Variants in DR1 observed in about 807,000 individuals in gnomAD.
DR1 encodes protein Dr1.
Under a neutral mutation model 19.9 loss-of-function variants are expected in DR1, and 7 were observed. That is an observed-to-expected ratio of 0.35 (90% CI 0.20 to 0.66). DR1 has a LOEUF of 0.66. Ranked by LOEUF, DR1 falls within the 30% of genes least tolerant of loss-of-function variation. The pLI, the probability that DR1 is intolerant of heterozygous loss-of-function variation, is 0.66. For synonymous variants in DR1, 76 were observed against 72.5 expected, an observed-to-expected ratio of 1.05 and a Z score of -0.24; for missense variants, 98 against 203.7, an observed-to-expected ratio of 0.48 and a Z score of 3.16.
chr1:93,346,350 G>T lies in DR1; in HGVS notation c.-296G>T, dbSNP rs1666837107. Reference sequence around the variant, plus strand: ...GCCCCTCTGAGGAGACACGAAGGTGGTTCCCCAGCCGCTCAAATTTCCGGA... The same window carrying T: ...GCCCCTCTGAGGAGACACGAAGGTGTTTCCCCAGCCGCTCAAATTTCCGGA... On this transcript the variant is annotated 5_prime_UTR_variant, in exon 1 of 3. Coordinates refer to ENST00000370272, the MANE Select transcript of DR1 (RefSeq NM_001938.3). 9 of 427,106 alleles carry T rather than the reference G, an allele frequency of 2.1e-5. No individual in the cohort carries two copies. Among genetic ancestry groups the T allele is most frequent in the South Asian group, 2.0e-4 (9 of 44,558 alleles). The allele number at this position is 427,106 out of a possible 1,614,324, so 26.5% of individuals were successfully genotyped here.
chr1:93,352,500 G>C (rs1666926077), intron 1 of DR1, among the ~76,000 whole-genome samples: 1 of 152,192 alleles, frequency 6.6e-6, no homozygotes, highest in Admixed American at 6.5e-5. Flanking sequence ...TTCTAAAGAA[G>C]GTTGATGAAA....
rs10586913 is a variant in DR1 at position 93,367,149 on chromosome 1, C to CA, written c.*6527dup. 0.26 allele frequency: 37,348 copies of CA among 141,290 alleles called. 6,292 individuals carry two copies. The highest frequency in any genetic ancestry group is 0.48 in the African/African-American group (17,208 of 36,134). 8.8% of individuals were successfully genotyped at this position (141,290 alleles called of 1,614,324 possible). A position where few individuals can be genotyped will look rare whatever the true frequency, so the allele number is the denominator to read the frequency against. On this transcript the variant is annotated 3_prime_UTR_variant, in exon 3 of 3. Coordinates refer to ENST00000370272, the MANE Select transcript of DR1 (RefSeq NM_001938.3). ...TGGGTGACAGAATGAGACCCTGTCTCAAAAAAAAAAAAAAAAAGTAAAAAT... is the reference window on the plus strand; with the variant it reads ...TGGGTGACAGAATGAGACCCTGTCTCAAAAAAAAAAAAAAAAAAGTAAAAAT...
chr1:93,353,892 AT>A lies in DR1; in HGVS notation c.221-12del. The A allele has an allele frequency of 6.3e-7, 1 of 1,577,980 alleles. No individual in the cohort carries two copies. The highest frequency in any genetic ancestry group is 8.6e-7 in the Non-Finnish European group (1 of 1,162,580). On this transcript the variant is annotated splice_polypyrimidine_tract_variant and intron_variant, in intron 1 of 2. Coordinates refer to ENST00000370272, the MANE Select transcript of DR1 (RefSeq NM_001938.3). Reference sequence around the variant, plus strand: ...TTTTATCACCCTTTCATATTTTAATATTTTCATTTCTCTAGCACTAGAAAGT... The same window carrying A: ...TTTTATCACCCTTTCATATTTTAATATTTCATTTCTCTAGCACTAGAAAGT...
rs537629202 is a variant in DR1, at chr1:93,348,303, A to C, written c.220+1438A>C. Among the ~76,000 whole-genome samples the C allele has an allele frequency of 5.6e-4, 85 of 151,942 alleles. 1 individual carries two copies. The highest frequency in any genetic ancestry group is 1.5e-3 in the African/African-American group (63 of 41,440). On this transcript the variant is annotated intron_variant, in intron 1 of 2. Transcript: ENST00000370272. ...TTTTCCCTTGTGTATTTATTTTTACATTGTATGTGTGATTGCTGTCATAAG... is the reference window on the plus strand; with the variant it reads ...TTTTCCCTTGTGTATTTATTTTTACCTTGTATGTGTGATTGCTGTCATAAG...
At chr1:93,349,504 T>G (rs1666892051) in intron 1 of DR1, among the ~76,000 whole-genome samples, 1 of 152,170 alleles carries the variant, frequency 6.6e-6, no homozygotes, top group Admixed American at 6.5e-5. Flanking sequence ...TAGGGAAATC[T>G]TTTAACTAAG....
chr1:93,357,981 A>G (rs1159601053), intron 2 of DR1, among the ~76,000 whole-genome samples: 1 of 152,222 alleles, frequency 6.6e-6, no homozygotes, highest in African/African-American at 2.4e-5. Flanking sequence ...CACTTATGAG[A>G]AAGAGATTCT....
intron 2 of DR1, among the ~76,000 whole-genome samples, chr1:93,356,392 C>T (rs748373229): frequency 7.9e-5 from 12 of 151,994 alleles, no homozygotes; most frequent in Non-Finnish European, 1.6e-4. Flanking sequence ...TAGATGTGCA[C>T]TAGTGAGCCC....
At position 93,367,311 on chromosome 1, in the gene DR1, GAAAT is replaced by G. The variant is rs1321579005; in HGVS notation, c.*6676_*6679del. ...CATGCAGTTCAAAAACAAAAAATAAGAAATAAAGTGGGCTTGCTGAGTGCTTTCA... is the reference window on the plus strand; with the variant it reads ...CATGCAGTTCAAAAACAAAAAATAAGAAAGTGGGCTTGCTGAGTGCTTTCA... On this transcript the variant is annotated 3_prime_UTR_variant, in exon 3 of 3. Coordinates refer to ENST00000370272, the MANE Select transcript of DR1 (RefSeq NM_001938.3). 3 of 152,140 alleles carry G rather than the reference GAAAT, an allele frequency of 2.0e-5. No individual in the cohort carries two copies. The highest frequency in any genetic ancestry group is 4.1e-4 in the South Asian group (2 of 4,832). The allele number at this position is 152,140 out of a possible 1,614,324, so 9.4% of individuals were successfully genotyped here.
chr1:93,353,359 G>A (rs1460063982), intron 1 of DR1, among the ~76,000 whole-genome samples: 1 of 152,112 alleles, frequency 6.6e-6, no homozygotes. Context: ...AGAGAAACCT[G>A]TTGGCTGACT....
chr1:93,355,120 C>T (rs1381384277), intron 2 of DR1: 1 of 151,904 alleles, frequency 6.6e-6, no homozygotes, highest in Admixed American at 6.6e-5. Flanking sequence ...TTGCAGACCA[C>T]CTAGAGAATG....
rs1002311781 is a variant in DR1 at position 93,368,030 on chromosome 1, A to T, written c.*7391A>T. On this transcript the variant is annotated 3_prime_UTR_variant, in exon 3 of 3. Transcript: ENST00000370272. ...GTCTCAAAAAAACAAACAAAAAAAG[A>T]AATTACATTAGTTGAGGACCTGCTG... is the stretch of plus-strand genomic sequence containing the variant. The T allele has an allele frequency of 2.0e-5, 3 of 152,192 alleles. No homozygotes were observed. Among genetic ancestry groups the T allele is most frequent in the Admixed American group, 2.0e-4 (3 of 15,274 alleles). The allele number at this position is 152,192 out of a possible 1,614,324, so 9.4% of individuals were successfully genotyped here.
In DR1 at chr1:93,346,258, G is replaced by A; in HGVS notation, c.-388G>A. ...CTGGGTACCCGCCCGGTACCGCGGC[G>A]AGGCCAGTGCCCCTGGATCTTGCCT... On this transcript the variant is annotated 5_prime_UTR_variant, in exon 1 of 3. Transcript: ENST00000370272. 1 of 258,734 alleles carries A rather than the reference G, an allele frequency of 3.9e-6. No homozygotes were observed. Among genetic ancestry groups the A allele is most frequent in the South Asian group, 3.9e-5 (1 of 25,512 alleles). 16.0% of individuals were successfully genotyped at this position (258,734 alleles called of 1,614,324 possible).
rs1289380022 is a variant in DR1, at chr1:93,350,282, AT to A, written c.220+3420del. 3.9e-5 allele frequency among the ~76,000 whole-genome samples: 6 copies of A among 152,224 alleles called. No homozygotes were observed. In the East Asian group the frequency reaches 1.2e-3, roughly 29 times the overall value. On this transcript the variant is annotated intron_variant, in intron 1 of 2. Coordinates refer to ENST00000370272, the MANE Select transcript of DR1 (RefSeq NM_001938.3). Reference sequence around the variant, plus strand: ...CATTAGTCTCTCATTGTTGTCCAAGATTTCCAGTAGTGATACCATGGAGGAC... The same window carrying A: ...CATTAGTCTCTCATTGTTGTCCAAGATTCCAGTAGTGATACCATGGAGGAC...
intron 2 of DR1, among the ~76,000 whole-genome samples, chr1:93,356,232 CT>C (rs5776179): frequency 0.83 from 122,119 of 147,624 alleles, 50,479 homozygotes; most frequent in East Asian, 1. Context: ...TATCAATCAA[CT>C]TTTTTTTTTT....
Position 93,347,002 on chromosome 1 carries a change from C to G in DR1, c.220+137C>G. 4 of 747,820 alleles carry G rather than the reference C, an allele frequency of 5.3e-6. No individual in the cohort carries two copies. In the South Asian group the frequency reaches 7.3e-5, roughly 14 times the overall value. 46.3% of individuals were successfully genotyped at this position (747,820 alleles called of 1,614,324 possible). ...TGAAAAAGCCAGACTGGCATGTAGG[C>G]AGCCGGTGCTTTAAAAACAATCCCT... On this transcript the variant is annotated intron_variant, in intron 1 of 2. Coordinates refer to ENST00000370272, the MANE Select transcript of DR1 (RefSeq NM_001938.3).
In DR1 at chr1:93,360,603, A is replaced by T. The variant is rs1365818158; in HGVS notation, c.495A>T (p.Gly165=). ...CAGCCAGTGCATCTAATCAGGCGGG[A>T]TCTTCTCAGGATGAAGAAGATGATG... The part of the protein sequence containing the change: ...AASASASNQA[G]SSQDEEDDDD... The change falls in exon 3 of 3, where the codon GGA becomes GGT. Residue 165 remains glycine, a synonymous_variant. Transcript: ENST00000370272. 1 of 1,592,720 alleles carries T rather than the reference A, an allele frequency of 6.3e-7. No individual in the cohort carries two copies. Among genetic ancestry groups the T allele is most frequent in the Non-Finnish European group, 8.5e-7 (1 of 1,172,570 alleles).
rs1002383699 is a variant in DR1 at position 93,367,838 on chromosome 1, C to T, written c.*7199C>T. On this transcript the variant is annotated 3_prime_UTR_variant, in exon 3 of 3. Coordinates refer to ENST00000370272, the MANE Select transcript of DR1 (RefSeq NM_001938.3). ...ACCATCCCGGCCAACATAGTGAAAC[C>T]TCATCTGTGCTAAAATACAAAAAAT... 1 of 152,186 alleles carries T rather than the reference C, an allele frequency of 6.6e-6. No homozygotes were observed. Among genetic ancestry groups the T allele is most frequent in the African/African-American group, 2.4e-5 (1 of 41,412 alleles). The allele number at this position is 152,186 out of a possible 1,614,324, so 9.4% of individuals were successfully genotyped here.
intron 1 of DR1, among the ~76,000 whole-genome samples, chr1:93,352,891 ATTTTTTTT>A (rs66850500): frequency 1.4e-5 from 2 of 139,524 alleles, no homozygotes; most frequent in African/African-American, 2.8e-5. Context: ...GGGTGTGTGA[ATTTTTTTT>A]TTTTTTTTTT....
In DR1 at chr1:93,360,901, T is replaced by G. The variant is rs1406679601; in HGVS notation, c.*262T>G. The G allele has an allele frequency of 2.6e-5, 9 of 342,640 alleles. No individual in the cohort carries two copies. Among genetic ancestry groups the G allele is most frequent in the African/African-American group, 4.3e-5 (2 of 45,988 alleles). The allele number at this position is 342,640 out of a possible 1,614,324, so 21.2% of individuals were successfully genotyped here. A position where few individuals can be genotyped will look rare whatever the true frequency, so the allele number is the denominator to read the frequency against. ...TTATGAAATTTTAGATAGCAGCGAG[T>G]CCTTCGTTTGATCAATAAACAGTGT... On this transcript the variant is annotated 3_prime_UTR_variant, in exon 3 of 3. Coordinates refer to ENST00000370272, the MANE Select transcript of DR1 (RefSeq NM_001938.3).
Sources: allele counts gnomAD v4.1 joint callset (sites outside exome capture counted in the v4.1 genomes callset), GRCh38; gene constraint gnomAD v4.1.1; transcripts MANE v1.5; gene names NCBI Gene and HGNC (gene_info 2026-07-23, HGNC 2026-07-21).